Variants in UBE2F observed in about 807,000 individuals in gnomAD.
The protein encoded by UBE2F is NEDD8-conjugating enzyme UBE2F.
Under a neutral mutation model 29.6 loss-of-function variants are expected in UBE2F, and 5 were observed. That is an observed-to-expected ratio of 0.17 (90% CI 0.09 to 0.36). The LOEUF is 0.36. Among genes scored for constraint, UBE2F ranks in the 10% least tolerant of loss-of-function variants. UBE2F has a pLI of 1.00. For missense variants in UBE2F, 141 were observed against 228.5 expected (o/e 0.62, Z 2.47); for synonymous variants, 66 against 81.8 (o/e 0.81, Z 1.04).
At position 238,026,494 on chromosome 2, in the gene UBE2F, C is replaced by T. The variant is rs192764693; in HGVS notation, c.353+1082C>T. Among the ~76,000 whole-genome samples the T allele has an allele frequency of 2.5e-3, 387 of 152,168 alleles. 4 individuals carry two copies. Among genetic ancestry groups the T allele is most frequent in the Admixed American group, 0.022 (339 of 15,288 alleles). On this transcript the variant is annotated intron_variant, in intron 6 of 9. Transcript: ENST00000272930. ...TGTTGCCCAGGCTGGAGTGCAGTGGCGCGATCTGAGCTCACTGCAAGCTCC... is the reference window on the plus strand; with the variant it reads ...TGTTGCCCAGGCTGGAGTGCAGTGGTGCGATCTGAGCTCACTGCAAGCTCC...
intron 5 of UBE2F, among the ~76,000 whole-genome samples, chr2:238,021,346 A>G (rs1030214528): frequency 2.0e-4 from 30 of 152,218 alleles, no homozygotes; most frequent in Admixed American, 2.0e-3. Context: ...TCTTCTTCAT[A>G]TGAAATTATC....
rs1389361357 is a variant in UBE2F at position 237,973,213 on chromosome 2, T to C, written c.106T>C (p.Leu36=). 2.5e-6 allele frequency: 4 copies of C among 1,613,462 alleles called. No homozygotes were observed. The Admixed American group carries it at 6.7e-5, about 27-fold the overall frequency. The change falls in exon 2 of 10, where the codon TTG becomes CTG. Residue 36 remains leucine (L), a synonymous_variant. Transcript: ENST00000272930. ...STRRVSVRDK[L]LVKEVAELEA... ...TCGGAGGGTTTCTGTGAGAGACAAATTGCTTGTTAAAGGTAATGATCATTC... is the reference window on the plus strand; with the variant it reads ...TCGGAGGGTTTCTGTGAGAGACAAACTGCTTGTTAAAGGTAATGATCATTC...
rs1160331284 is a variant in UBE2F at position 238,042,091 on chromosome 2, C to G, written c.*753C>G. Reference sequence around the variant, plus strand: ...TTGTCCAAATGCAATGAGAATCTCACTCTTAAAAATCAGCTCTTGCTTTCG... The same window carrying G: ...TTGTCCAAATGCAATGAGAATCTCAGTCTTAAAAATCAGCTCTTGCTTTCG... On this transcript the variant is annotated 3_prime_UTR_variant, in exon 10 of 10. Transcript: ENST00000272930. The G allele has an allele frequency of 6.6e-6, 1 of 152,396 alleles. No individual in the cohort carries two copies. Among genetic ancestry groups the G allele is most frequent in the Non-Finnish European group, 1.5e-5 (1 of 68,044 alleles). The allele number at this position is 152,396 out of a possible 1,614,324, so 9.4% of individuals were successfully genotyped here.
At chr2:238,000,142 A>G (rs998992054) in intron 4 of UBE2F, among the ~76,000 whole-genome samples, 2 of 152,242 alleles carry the variant, frequency 1.3e-5, no homozygotes, top group East Asian at 1.9e-4. Context: ...TTACTAGTCT[A>G]CTAATATCTG....
chr2:237,992,354 T>C (rs1190795182), intron 3 of UBE2F, among the ~76,000 whole-genome samples: 1 of 152,238 alleles, frequency 6.6e-6, no homozygotes, highest in African/African-American at 2.4e-5. Context: ...AGGATGGCAT[T>C]TATCTTTGCA....
intron 4 of UBE2F, among the ~76,000 whole-genome samples, chr2:238,012,065 G>A (rs1162080484): frequency 8.5e-6 from 1 of 118,060 alleles, no homozygotes. Flanking sequence ...TTTTTTTTCT[G>A]TGGAGATGGG....
At chr2:238,006,759 CTTTTTTT>C (rs60514924) in intron 4 of UBE2F, among the ~76,000 whole-genome samples, 1 of 125,574 alleles carries the variant, frequency 8.0e-6, no homozygotes, top group Non-Finnish European at 1.7e-5. Flanking sequence ...TTTCTTTTTT[CTTTTTTT>C]TTTTTTTTTT....
intron 4 of UBE2F, among the ~76,000 whole-genome samples, chr2:237,995,958 T>C (rs1249090637): frequency 1.3e-5 from 2 of 152,220 alleles, no homozygotes; most frequent in African/African-American, 2.4e-5. Context: ...AGCTGTACTT[T>C]ATGCCAAATA....
At chr2:237,978,528 G>A (rs978496957) in intron 2 of UBE2F, among the ~76,000 whole-genome samples, 1 of 152,238 alleles carries the variant, frequency 6.6e-6, no homozygotes, top group African/African-American at 2.4e-5. Context: ...CATGTGGCCT[G>A]CTTTGGAGTG....
intron 4 of UBE2F, among the ~76,000 whole-genome samples, chr2:238,015,867 C>T (rs2064140565): frequency 1.3e-5 from 2 of 152,082 alleles, no homozygotes; most frequent in Admixed American, 6.5e-5. Flanking sequence ...GGCTGGGTAC[C>T]ACCTGAGGAG....
intron 2 of UBE2F, chr2:237,986,395 T>C (rs1385618782): frequency 1.3e-5 from 2 of 159,372 alleles, no homozygotes. Context: ...GCTCAAGCTA[T>C]CTACCCACCT....
intron 6 of UBE2F, among the ~76,000 whole-genome samples, chr2:238,026,118 T>A (rs2064421850): frequency 1.3e-5 from 2 of 152,230 alleles, no homozygotes; most frequent in Non-Finnish European, 1.5e-5. Context: ...GGCTTTGATA[T>A]CAGACCACCT....
At chr2:238,036,953 C>T (rs186056000) in intron 9 of UBE2F, among the ~76,000 whole-genome samples, 240 of 152,328 alleles carry the variant, frequency 1.6e-3, no homozygotes, top group Non-Finnish European at 2.6e-3. Context: ...CATTCATACA[C>T]ACTTGACTTT....
intron 5 of UBE2F, 135 bp downstream of exon 5, chr2:238,016,768 T>C (rs2064163531): frequency 1.5e-6 from 1 of 685,884 alleles, no homozygotes; most frequent in African/African-American, 1.8e-5. Flanking sequence ...ACTTCAGTAT[T>C]TTTGTGATGA....
intron 5 of UBE2F, among the ~76,000 whole-genome samples, chr2:238,024,122 CTATG>C (rs2064358931): frequency 1.3e-5 from 2 of 152,300 alleles, no homozygotes; most frequent in Non-Finnish European, 2.9e-5. Context: ...TGCATGCACA[CTATG>C]TGTGTGGCCT....
intron 6 of UBE2F, among the ~76,000 whole-genome samples, chr2:238,029,951 CTTT>C (rs36015072): frequency 2.2e-5 from 3 of 135,612 alleles, no homozygotes; most frequent in African/African-American, 5.5e-5. Context: ...TTCTTTCTTT[CTTT>C]TTTTTTTTTT....
chr2:238,029,260 G>A (rs184337294), intron 6 of UBE2F, among the ~76,000 whole-genome samples: 1 of 139,606 alleles, frequency 7.2e-6, no homozygotes, highest in Admixed American at 7.8e-5. Context: ...TTATCCTCAA[G>A]CTTTTTCTTT....
intron 4 of UBE2F, among the ~76,000 whole-genome samples, chr2:238,009,214 T>A (rs2106373661): frequency 1.3e-5 from 2 of 152,372 alleles, no homozygotes; most frequent in East Asian, 3.9e-4. Flanking sequence ...TGGTTTTTTC[T>A]TTTTATCACA....
intron 3 of UBE2F, 62 bp from the exon 4 acceptor site, chr2:237,994,682 A>T: frequency 5.2e-6 from 7 of 1,346,294 alleles, no homozygotes; most frequent in Non-Finnish European, 7.5e-6. Flanking sequence ...TTCAAAGGTT[A>T]GCGTCAACAT....
Sources: gnomAD v4.1 joint callset for allele counts (sites outside exome capture counted in the v4.1 genomes callset) on GRCh38, gnomAD v4.1.1 for gene constraint, MANE v1.5 for transcripts, NCBI Gene and HGNC (gene_info 2026-07-23, HGNC 2026-07-21) for gene names.